The following HTR4 variants were observed in gnomAD, a reference collection of about 807,000 sequenced individuals.
The protein encoded by HTR4 is 5-hydroxytryptamine receptor 4, also known as 5-hydroxytryptamine (serotonin) receptor 4, G protein-coupled.
In HTR4, 16 loss-of-function variants were observed where a neutral mutation model predicts 36.8. The ratio of observed to expected loss-of-function variants is 0.43; its 90% CI spans 0.29 to 0.66. The LOEUF is 0.66. Among genes scored for constraint, HTR4 ranks in the 30% least tolerant of loss-of-function variants. The probability of loss-of-function intolerance (pLI) is 0.13; values close to 1 mark genes in which losing one functional copy is unlikely to be tolerated. For synonymous variants in HTR4, 189 were observed against 185.1 expected (o/e 1.02, Z -0.17); for missense variants, 438 against 490.9 (o/e 0.89, Z 1.02).
chr5:148,451,328 G>C, intron 5 of HTR4: 3 of 1,610,904 alleles, frequency 1.9e-6, no homozygotes, highest in Non-Finnish European at 2.5e-6. Flanking sequence ...CAACTGCACC[G>C]AAGTCAAGAG....
At chr5:148,490,334 A>G (rs752778137) in intron 6 of HTR4, among the ~76,000 whole-genome samples, 9 of 151,888 alleles carry the variant, frequency 5.9e-5, no homozygotes, top group Non-Finnish European at 1.3e-4. Flanking sequence ...AAATGTCTAC[A>G]TTTTCTACCA....
intron 5 of HTR4, among the ~76,000 whole-genome samples, chr5:148,470,196 G>A (rs3995091): frequency 0.5 from 76,345 of 152,022 alleles, 19,901 homozygotes; most frequent in East Asian, 0.8. Flanking sequence ...AGTGGTAACG[G>A]TGCTATTAAT....
chr5:148,454,524 G>A (rs1280191868), intron 5 of HTR4, among the ~76,000 whole-genome samples: 2 of 152,106 alleles, frequency 1.3e-5, no homozygotes, highest in African/African-American at 4.8e-5. Context: ...TAGCCTTAAT[G>A]GCTTAGAAAT....
chr5:148,513,141 A>G (rs1757575143), intron 5 of HTR4, among the ~76,000 whole-genome samples: 1 of 151,908 alleles, frequency 6.6e-6, no homozygotes, highest in African/African-American at 2.4e-5. Flanking sequence ...GGTGTGAGCC[A>G]CCACCCCTAG....
chr5:148,575,982 A>G (rs2113889632), intron 2 of HTR4, among the ~76,000 whole-genome samples: 1 of 151,956 alleles, frequency 6.6e-6, no homozygotes, highest in Middle Eastern at 3.4e-3. Context: ...TATCTAGAAA[A>G]CCCCACAGTC....
chr5:148,504,746 G>A (rs1757108725), intron 6 of HTR4, among the ~76,000 whole-genome samples: 1 of 152,094 alleles, frequency 6.6e-6, no homozygotes, highest in Admixed American at 6.5e-5. Context: ...TAGACCGCTA[G>A]CAAGACTAAT....
At chr5:148,638,023 C>A (rs1442367570) in intron 1 of HTR4, among the ~76,000 whole-genome samples, 1 of 134,422 alleles carries the variant, frequency 7.4e-6, no homozygotes, top group Admixed American at 7.3e-5. Flanking sequence ...TTGAATCTTA[C>A]CAAGAAGAAC....
chr5:148,477,291 G>A (rs984089746), downstream of HTR4, among the ~76,000 whole-genome samples: 13 of 152,112 alleles, frequency 8.5e-5, no homozygotes, highest in Non-Finnish European at 1.6e-4. Flanking sequence ...CCAATAATTG[G>A]CTTTTCCTTC....
intron 2 of HTR4, among the ~76,000 whole-genome samples, chr5:148,599,979 T>C (rs1761925133): frequency 6.6e-6 from 1 of 151,012 alleles, no homozygotes. Context: ...AAAAGACAAA[T>C]TGGAATGTAC....
chr5:148,554,118 C>T (rs1759822555), intron 2 of HTR4, among the ~76,000 whole-genome samples: 1 of 152,116 alleles, frequency 6.6e-6, no homozygotes, highest in South Asian at 2.1e-4. Flanking sequence ...TCTTGTTGCC[C>T]AGGCTGGAGT....
chr5:148,488,134 A>G (rs1214466896), intron 6 of HTR4, among the ~76,000 whole-genome samples: 1 of 152,206 alleles, frequency 6.6e-6, no homozygotes, highest in Non-Finnish European at 1.5e-5. Flanking sequence ...TTGCTTATTA[A>G]AAGTCCATTT....
chr5:148,624,266 CA>C (rs1561656554), intron 2 of HTR4, among the ~76,000 whole-genome samples: 1 of 152,148 alleles, frequency 6.6e-6, no homozygotes, highest in Non-Finnish European at 1.5e-5. Context: ...CTGAGCACTG[CA>C]ATAAGACCTC....
At chr5:148,537,052 T>G (rs1022626339) in intron 4 of HTR4, among the ~76,000 whole-genome samples, 5 of 152,108 alleles carry the variant, frequency 3.3e-5, no homozygotes, top group African/African-American at 1.2e-4. Flanking sequence ...CAGACCACGA[T>G]GCAATAAAAA....
At position 148,466,821 on chromosome 5, in the gene HTR4, C is replaced by A. The variant is rs141041252; in HGVS notation, c.1077-15549G>T. ...ATACATGATTAAGTGGTCATTTAGACCTCCAATTTTTTCTTCCTTCAACTT... is the reference window on the plus strand; with the variant it reads ...ATACATGATTAAGTGGTCATTTAGAACTCCAATTTTTTCTTCCTTCAACTT... On this transcript the variant is annotated intron_variant, in intron 5 of 5. Transcript: ENST00000521530. 1.1e-4 allele frequency among the ~76,000 whole-genome samples: 17 copies of A among 152,240 alleles called. No homozygotes were observed. In the East Asian group the frequency reaches 3.3e-3, roughly 29 times the overall value.
intron 4 of HTR4, among the ~76,000 whole-genome samples, chr5:148,537,161 G>A (rs1276736412): frequency 6.6e-6 from 1 of 152,114 alleles, no homozygotes; most frequent in African/African-American, 2.4e-5. Flanking sequence ...TAAGATTAAG[G>A]CAGAAATCAA....
At chr5:148,595,819 C>G (rs1318828571) in intron 2 of HTR4, among the ~76,000 whole-genome samples, 1 of 152,032 alleles carries the variant, frequency 6.6e-6, no homozygotes, top group Non-Finnish European at 1.5e-5. Context: ...TGATGCAACC[C>G]ATTTATAAGG....
At chr5:148,465,617 T>C (rs1046446941) in intron 5 of HTR4, among the ~76,000 whole-genome samples, 1 of 152,140 alleles carries the variant, frequency 6.6e-6, no homozygotes. Flanking sequence ...GTGAAGGCCG[T>C]GCTCCCAGAA....
At chr5:148,473,796 G>A (rs1755630736), downstream of HTR4, among the ~76,000 whole-genome samples, 1 of 152,114 alleles carries the variant, frequency 6.6e-6, no homozygotes, top group Non-Finnish European at 1.5e-5. Flanking sequence ...AATTTACCCA[G>A]CTAGTGAGCG....
chr5:148,548,924 G>T (rs1759534369), intron 3 of HTR4, 56 bp from the exon 4 acceptor site: 1 of 1,228,930 alleles, frequency 8.1e-7, no homozygotes, highest in Non-Finnish European at 1.2e-6. Context: ...GGGAAAAAGG[G>T]GAGGGAGAAG....
Sources: allele counts gnomAD v4.1 joint callset (sites outside exome capture counted in the v4.1 genomes callset), GRCh38; gene constraint gnomAD v4.1.1; transcripts MANE v1.5; gene names NCBI Gene and HGNC (gene_info 2026-07-23, HGNC 2026-07-21).